The following ERC1 variants were observed in gnomAD, a reference collection of about 807,000 sequenced individuals.
ERC1 encodes ELKS/RAB6-interacting/CAST family member 1.
ERC1 carries 56 observed loss-of-function variants against 132.0 expected under a neutral mutation model. The ratio of observed to expected loss-of-function variants is 0.42; its 90% CI spans 0.34 to 0.53. ERC1 has a LOEUF of 0.53. Among genes scored for constraint, ERC1 ranks in the 20% least tolerant of loss-of-function variants. The pLI is 0.03. For synonymous variants in ERC1, 478 were observed against 476.1 expected, an observed-to-expected ratio of 1.00 and a Z score of -0.05; for missense variants, 1,202 against 1,349.9, an observed-to-expected ratio of 0.89 and a Z score of 1.72.
In ERC1 at chr12:1,492,898, T is replaced by C; in HGVS notation, c.*2668T>C. 4.4e-6 allele frequency: 1 copy of C among 229,260 alleles called. No individual in the cohort carries two copies. Among genetic ancestry groups the C allele is most frequent in the East Asian group, 6.2e-5 (1 of 16,094 alleles). 14.2% of individuals were successfully genotyped at this position (229,260 alleles called of 1,614,324 possible). Reference sequence around the variant, plus strand: ...TTCCATGCCCCTCTCCTAGTGGTCATGGTTTCATATGGGCATACAACTGCT... The same window carrying C: ...TTCCATGCCCCTCTCCTAGTGGTCACGGTTTCATATGGGCATACAACTGCT... On this transcript the variant is annotated 3_prime_UTR_variant, in exon 19 of 19. Transcript: ENST00000360905.
At chr12:1,222,268 C>T (rs955815060) in intron 12 of ERC1, among the ~76,000 whole-genome samples, 5 of 149,622 alleles carry the variant, frequency 3.3e-5, no homozygotes, top group Non-Finnish European at 7.4e-5. Context: ...CTCGCTCTGT[C>T]ACCCAGACTG....
At chr12:1,167,028 T>C (rs1466868189) in intron 8 of ERC1, among the ~76,000 whole-genome samples, 4 of 152,260 alleles carry the variant, frequency 2.6e-5, no homozygotes, top group African/African-American at 9.6e-5. Flanking sequence ...GTTTCTCATC[T>C]GTTGTTAATA....
chr12:1,225,469 C>CACAT (rs2074500845), intron 12 of ERC1, among the ~76,000 whole-genome samples: 2 of 151,652 alleles, frequency 1.3e-5, no homozygotes, highest in Admixed American at 1.3e-4. Context: ...CACACACACA[C>CACAT]ACACACACAC....
chr12:1,301,113 C>A (rs12306249), intron 15 of ERC1, among the ~76,000 whole-genome samples: 12,502 of 151,272 alleles, frequency 0.083, 683 homozygotes, highest in African/African-American at 0.14. Context: ...GCCTTATGTT[C>A]TCACTTATAA....
chr12:1,060,965 A>G (rs1397482006), intron 2 of ERC1, among the ~76,000 whole-genome samples: 1 of 151,856 alleles, frequency 6.6e-6, no homozygotes, highest in Non-Finnish European at 1.5e-5. Context: ...TGACCGCGTG[A>G]TCCACCTGCC....
intron 14 of ERC1, among the ~76,000 whole-genome samples, chr12:1,274,699 T>C (rs2078137740): frequency 6.6e-6 from 1 of 152,034 alleles, no homozygotes; most frequent in South Asian, 2.1e-4. Context: ...CAGCATGTTT[T>C]TCAGGCTGGT....
At chr12:1,063,029 G>T (rs1156284908) in intron 2 of ERC1, among the ~76,000 whole-genome samples, 1 of 151,904 alleles carries the variant, frequency 6.6e-6, no homozygotes, top group Non-Finnish European at 1.5e-5. Context: ...CATGCGTCTG[G>T]TTTCCATTTA....
At chr12:1,070,071 T>A (rs1461223534) in intron 2 of ERC1, among the ~76,000 whole-genome samples, 1 of 152,108 alleles carries the variant, frequency 6.6e-6, no homozygotes, top group East Asian at 1.9e-4. Context: ...GAGAGAGAGC[T>A]CTGAAGCAAA....
At chr12:1,058,737 T>C (rs1973459493) in intron 2 of ERC1, among the ~76,000 whole-genome samples, 1 of 152,056 alleles carries the variant, frequency 6.6e-6, no homozygotes, top group Non-Finnish European at 1.5e-5. Flanking sequence ...AAGAATATCA[T>C]TGATATTTTG....
At chr12:1,475,612 G>GT (rs1479343619) in intron 18 of ERC1, among the ~76,000 whole-genome samples, 1 of 152,178 alleles carries the variant, frequency 6.6e-6, no homozygotes, top group Non-Finnish European at 1.5e-5. Flanking sequence ...GGAATGGCAG[G>GT]TATGTACCAG....
At chr12:1,144,111 ATC>A (rs1237028735) in intron 8 of ERC1, among the ~76,000 whole-genome samples, 1 of 152,192 alleles carries the variant, frequency 6.6e-6, no homozygotes, top group Non-Finnish European at 1.5e-5. Context: ...GATACTGGAC[ATC>A]TCCACATTAT....
At chr12:1,451,100 G>A (rs2093416348) in intron 18 of ERC1, among the ~76,000 whole-genome samples, 1 of 152,154 alleles carries the variant, frequency 6.6e-6, no homozygotes. Flanking sequence ...CTCCCGTTCT[G>A]TGGTTATCTT....
At chr12:1,022,092 A>C (rs1007340239) in intron 1 of ERC1, among the ~76,000 whole-genome samples, 1 of 152,180 alleles carries the variant, frequency 6.6e-6, no homozygotes, top group Admixed American at 6.5e-5. Flanking sequence ...TCCTATCTCT[A>C]TTCTCCTATA....
At position 1,182,029 on chromosome 12, in the gene ERC1, A is replaced by C. The variant is rs77683928; in HGVS notation, c.1980A>C (p.Lys660Asn). 1.4e-4 allele frequency: 223 copies of C among 1,614,122 alleles called. No individual in the cohort carries two copies. In the African/African-American group the frequency reaches 2.8e-3, roughly 20 times the overall value. ...AAGATCTTAAAGACTTGAAGGAAAAAGTCAGCCTGTTGCAAGGCGACCTTT... is the reference window on the plus strand; with the variant it reads ...AAGATCTTAAAGACTTGAAGGAAAACGTCAGCCTGTTGCAAGGCGACCTTT... ...YKKDLKDLKE[K>N]VSLLQGDLSE... The change falls in exon 10 of 19, where the codon AAA becomes AAC. Residue 660 changes from lysine to asparagine, a missense_variant. Coordinates refer to ENST00000360905, the MANE Select transcript of ERC1 (RefSeq NM_178040.4).
intron 15 of ERC1, among the ~76,000 whole-genome samples, chr12:1,298,565 C>G (rs76725080): frequency 0.075 from 10,271 of 136,646 alleles, 583 homozygotes; most frequent in African/African-American, 0.13. Context: ...AACAAACAAA[C>G]AAAGAAAAAG....
chr12:1,110,067 C>A, intron 4 of ERC1, 125 bp from the exon 5 acceptor site: 1 of 793,696 alleles, frequency 1.3e-6, no homozygotes, highest in Non-Finnish European at 1.9e-6. Context: ...GCACCAATTG[C>A]CAGACAGCAT....
chr12:1,378,906 C>T (rs1000363548), intron 16 of ERC1, among the ~76,000 whole-genome samples: 1 of 152,110 alleles, frequency 6.6e-6, no homozygotes, highest in Non-Finnish European at 1.5e-5. Context: ...CTATGATTCC[C>T]ATTAGGGACT....
intron 18 of ERC1, among the ~76,000 whole-genome samples, chr12:1,445,786 A>G (rs2093288943): frequency 6.6e-6 from 1 of 152,372 alleles, no homozygotes; most frequent in East Asian, 1.9e-4. Context: ...TAACATTGCC[A>G]TCGGTTATTC....
intron 3 of ERC1, among the ~76,000 whole-genome samples, chr12:1,100,724 G>A (rs1002951660): frequency 1.3e-5 from 2 of 152,184 alleles, no homozygotes; most frequent in African/African-American, 2.4e-5. Flanking sequence ...AAGGCCAGGA[G>A]GTCACTTGCA....
Sources: allele counts gnomAD v4.1 joint callset (sites outside exome capture counted in the v4.1 genomes callset), GRCh38; gene constraint gnomAD v4.1.1; transcripts MANE v1.5; gene names NCBI Gene and HGNC (gene_info 2026-07-23, HGNC 2026-07-21).